SLC1A7: variants seen among roughly 807,000 people sequenced by gnomAD.
The protein encoded by SLC1A7 is excitatory amino acid transporter 5.
In SLC1A7, 40 loss-of-function variants were observed where a neutral mutation model predicts 47.7. The ratio of observed to expected loss-of-function variants is 0.84; its 90% CI spans 0.65 to 1.09. The LOEUF (loss-of-function observed/expected upper bound fraction) is 1.09. Among genes scored for constraint, SLC1A7 ranks in the 50% least tolerant of loss-of-function variants. The pLI is 0.00. For synonymous variants in SLC1A7, 323 were observed against 325.6 expected (o/e 0.99, Z 0.09); for missense variants, 746 against 769.5 (o/e 0.97, Z 0.36).
intron 2 of SLC1A7, chr1:53,118,376 A>C (rs1361202403): frequency 6.6e-6 from 1 of 152,240 alleles, no homozygotes; most frequent in African/African-American, 2.4e-5. Context: ...ATAGTCCTTC[A>C]CATTCTCTAT....
At chr1:53,118,148 T>C (rs1048511803) in intron 2 of SLC1A7, among the ~76,000 whole-genome samples, 1 of 152,248 alleles carries the variant, frequency 6.6e-6, no homozygotes, top group Non-Finnish European at 1.5e-5. Context: ...TGTAAGGCCC[T>C]GCCCTTTGGC....
chr1:53,092,895 C>T, intron 6 of SLC1A7, 108 bp from the exon 7 acceptor site: 3 of 642,600 alleles, frequency 4.7e-6, no homozygotes, highest in Middle Eastern at 2.9e-4. Flanking sequence ...GGGGCTCCTG[C>T]GAGGACAGAG....
intron 2 of SLC1A7, among the ~76,000 whole-genome samples, chr1:53,125,628 C>G (rs1644874188): frequency 6.6e-6 from 1 of 152,196 alleles, no homozygotes; most frequent in Non-Finnish European, 1.5e-5. Context: ...GAGCTGATCT[C>G]AGGACATGAC....
intron 2 of SLC1A7, among the ~76,000 whole-genome samples, chr1:53,121,180 T>C (rs78430434): frequency 0.01 from 1,573 of 152,356 alleles, 24 homozygotes; most frequent in African/African-American, 0.036. Flanking sequence ...CTCTAGGTCC[T>C]TAAAACCCAA....
At position 53,115,021 on chromosome 1, in the gene SLC1A7, G is replaced by A. The variant is rs1557681220; in HGVS notation, c.216-48C>T. The A allele has an allele frequency of 2.0e-6, 3 of 1,485,952 alleles. No individual in the cohort carries two copies. The African/African-American group carries it at 4.1e-5, about 21-fold the overall frequency. The allele number at this position is 1,485,952 out of a possible 1,614,324, so 92.0% of individuals were successfully genotyped here. Reference sequence around the variant, plus strand: ...GGCTGTGGTGGGGAGGCCAGGGCCTGGCTGGCACTCAGCGCTCACTCAGCC... The same window carrying A: ...GGCTGTGGTGGGGAGGCCAGGGCCTAGCTGGCACTCAGCGCTCACTCAGCC... On this transcript the variant is annotated intron_variant, in intron 2 of 10. Coordinates refer to ENST00000371494, the MANE Select transcript of SLC1A7 (RefSeq NM_006671.6).
chr1:53,087,935 A>T lies in SLC1A7; in HGVS notation c.*74T>A. The T allele has an allele frequency of 1.2e-6, 1 of 862,194 alleles. No homozygotes were observed. The highest frequency in any genetic ancestry group is 2.9e-5 in the East Asian group (1 of 34,622). The allele number at this position is 862,194 out of a possible 1,614,324, so 53.4% of individuals were successfully genotyped here. On this transcript the variant is annotated 3_prime_UTR_variant, in exon 11 of 11. Transcript: ENST00000371494. ...TCCTGGCCCCTGCCGGCTGCTCAGG[A>T]GGGTTGGAGAGTCGAGTTCCTGCCT...
At chr1:53,137,013 T>C (rs1221531066) in intron 1 of SLC1A7, among the ~76,000 whole-genome samples, 2 of 151,766 alleles carry the variant, frequency 1.3e-5, no homozygotes, top group East Asian at 3.9e-4. Flanking sequence ...ATAGCCAGGC[T>C]CAGTGGCTTA....
chr1:53,137,635 G>T (rs1311530329), intron 1 of SLC1A7, among the ~76,000 whole-genome samples: 1 of 152,120 alleles, frequency 6.6e-6, no homozygotes, highest in Non-Finnish European at 1.5e-5. Context: ...ATGTCTCCTT[G>T]CTTGTAGCCT....
At chr1:53,091,103 G>T in intron 7 of SLC1A7, 1 of 737,580 alleles carries the variant, frequency 1.4e-6, no homozygotes, top group Non-Finnish European at 2.1e-6. Flanking sequence ...CAGGGCCCTG[G>T]GCCAGGCTGT....
At chr1:53,112,740 C>A (rs911170034) in intron 3 of SLC1A7, among the ~76,000 whole-genome samples, 1 of 152,192 alleles carries the variant, frequency 6.6e-6, no homozygotes, top group Non-Finnish European at 1.5e-5. Context: ...CATGACCCAA[C>A]AGGGTCACCC....
At chr1:53,099,852 CACAT>C (rs1644551694) in intron 5 of SLC1A7, among the ~76,000 whole-genome samples, 1 of 151,380 alleles carries the variant, frequency 6.6e-6, no homozygotes, top group Non-Finnish European at 1.5e-5. Context: ...AGTACACTCA[CACAT>C]ACCACCTTGG....
chr1:53,094,018 G>A (rs948297459), intron 5 of SLC1A7, among the ~76,000 whole-genome samples: 2 of 152,180 alleles, frequency 1.3e-5, no homozygotes, highest in African/African-American at 4.8e-5. Flanking sequence ...TGCGCAAGCC[G>A]TTTACACAGT....
chr1:53,102,978 G>C (rs545885241), intron 5 of SLC1A7: 1 of 176,346 alleles, frequency 5.7e-6, no homozygotes, highest in African/African-American at 2.4e-5. Flanking sequence ...GTATAATTTG[G>C]GACCCATCTT....
intron 2 of SLC1A7, among the ~76,000 whole-genome samples, chr1:53,129,613 ACTGAACT>A (rs1553164901): frequency 7.2e-6 from 1 of 138,970 alleles, no homozygotes; most frequent in East Asian, 2.2e-4. Context: ...GGGAAGAGTG[ACTGAACT>A]CAGCTCCAAC....
Position 53,088,168 on chromosome 1 carries a change from C to A in SLC1A7, c.1524G>T (p.Gln508His). 6.2e-7 allele frequency: 1 copy of A among 1,613,536 alleles called. No individual in the cohort carries two copies. The highest frequency in any genetic ancestry group is 8.5e-7 in the Non-Finnish European group (1 of 1,179,726). The change falls in exon 11 of 11, where the codon CAG (glutamine) becomes CAT (histidine). Residue 508 changes from glutamine (Q) to histidine (H), a missense_variant. By Grantham distance (24) the Gln-to-His change is conservative. Coordinates refer to ENST00000371494, the MANE Select transcript of SLC1A7 (RefSeq NM_006671.6). ...VSLQEIVAAQQNGCVKSVAEA... is the reference protein window; with the variant it reads ...VSLQEIVAAQHNGCVKSVAEA... The stretch of plus-strand genomic sequence containing the variant: ...CGGCTACACTCTTCACACAGCCATT[C>A]TGCTGGGCTGCCACGATCTCCTGGA...
chr1:53,128,701 C>T lies in SLC1A7; in HGVS notation c.215+5649G>A, dbSNP rs774402622. Among the ~76,000 whole-genome samples the T allele has an allele frequency of 2.1e-5, 3 of 141,964 alleles. 1 individual carries two copies. Among genetic ancestry groups the T allele is most frequent in the African/African-American group, 5.2e-5 (2 of 38,418 alleles). 93.1% of individuals were successfully genotyped at this position (141,964 alleles called of 152,430 possible). On this transcript the variant is annotated intron_variant, in intron 2 of 10. Coordinates refer to ENST00000371494, the MANE Select transcript of SLC1A7 (RefSeq NM_006671.6). ...GTGTTGAGGGAGCACCCGGGTGTGC[C>T]TCAGTCAAGGGTGGCTTTCCAGGGC... is the stretch of plus-strand genomic sequence containing the variant.
chr1:53,098,908 C>T (rs1166649582), intron 5 of SLC1A7, among the ~76,000 whole-genome samples: 2 of 149,974 alleles, frequency 1.3e-5, no homozygotes, highest in East Asian at 4.1e-4. Flanking sequence ...CACCGTAGTA[C>T]ACTCATTCCA....
chr1:53,098,334 G>A (rs539273322), intron 5 of SLC1A7, among the ~76,000 whole-genome samples: 24 of 137,954 alleles, frequency 1.7e-4, no homozygotes, highest in South Asian at 4.8e-4. Flanking sequence ...ACCAAAACCC[G>A]CCTTGCTACA....
chr1:53,139,763 TTTTC>T (rs1257681258), intron 1 of SLC1A7, among the ~76,000 whole-genome samples: 1 of 152,142 alleles, frequency 6.6e-6, no homozygotes, highest in African/African-American at 2.4e-5. Context: ...CTCTATTTCT[TTTTC>T]TCAACTGTCT....
Sources: gnomAD v4.1 joint callset for allele counts (sites outside exome capture counted in the v4.1 genomes callset) on GRCh38, gnomAD v4.1.1 for gene constraint, MANE v1.5 for transcripts, NCBI Gene and HGNC (gene_info 2026-07-23, HGNC 2026-07-21) for gene names.